TNN: variants seen among roughly 807,000 people sequenced by gnomAD.
TNN encodes the protein tenascin-N.
Under a neutral mutation model 134.4 loss-of-function variants are expected in TNN, and 122 were observed. The ratio of observed to expected loss-of-function variants is 0.91; its 90% CI spans 0.78 to 1.06. TNN has a LOEUF of 1.06. TNN is among the 50% of genes least tolerant of loss of function. The probability of loss-of-function intolerance (pLI) is 0.00; values close to 1 mark genes in which losing one functional copy is unlikely to be tolerated. For missense variants in TNN, 1,739 were observed against 1,699.4 expected, an observed-to-expected ratio of 1.02 and a Z score of -0.41; for synonymous variants, 710 against 670.3, an observed-to-expected ratio of 1.06 and a Z score of -0.91.
intron 9 of TNN, among the ~76,000 whole-genome samples, chr1:175,107,389 T>A (rs1319480667): frequency 4.2e-5 from 6 of 144,046 alleles, no homozygotes; most frequent in Non-Finnish European, 9.2e-5. Flanking sequence ...TCTGGTGGGT[T>A]CGTGGTCTCG....
intron 9 of TNN, among the ~76,000 whole-genome samples, chr1:175,115,300 C>A (rs1675135104): frequency 6.6e-6 from 1 of 151,702 alleles, no homozygotes; most frequent in Admixed American, 6.6e-5. Flanking sequence ...TAGGGCTCTG[C>A]CAAAAGCATT....
rs1252274134 is a variant in TNN, at chr1:175,118,613, C to A, written c.2439C>A (p.Ala813=). 5 of 1,614,092 alleles carry A rather than the reference C, an allele frequency of 3.1e-6. No individual in the cohort carries two copies. Among genetic ancestry groups the A allele is most frequent in the Non-Finnish European group, 3.4e-6 (4 of 1,180,036 alleles). The part of the protein sequence containing the change: ...LVTDWVTENT[A]TVSWDPVQAT... Reference sequence around the variant, plus strand: ...CTGACTGGGTGACAGAGAATACAGCCACTGTCTCCTGGGACCCGGTGCAGG... The same window carrying A: ...CTGACTGGGTGACAGAGAATACAGCAACTGTCTCCTGGGACCCGGTGCAGG... The change falls in exon 11 of 19, where the codon GCC becomes GCA. Residue 813 remains alanine, a synonymous_variant. Transcript: ENST00000239462.
intron 9 of TNN, among the ~76,000 whole-genome samples, chr1:175,114,890 G>T (rs761502787): frequency 6.6e-6 from 1 of 152,030 alleles, no homozygotes; most frequent in Non-Finnish European, 1.5e-5. Flanking sequence ...ACAATGGTGG[G>T]ACTTGGCAGT....
At position 175,128,056 on chromosome 1, in the gene TNN, C is replaced by T; in HGVS notation, c.3070C>T (p.Gln1024Ter). Residue 1024 changes from glutamine (Q) to a stop codon, truncating the protein, a stop_gained, in exon 14 of 19, where the codon CAG becomes TAG. Transcript: ENST00000239462. LOFTEE classifies it high-confidence loss of function. Reference protein sequence around the residue: ...VKEMQLGREDQRFALQGLEQG... With the variant: ...VKEMQLGRED ...GGAGATGCAGCTGGGACGGGAAGAC[C>T]AGAGGTTTGCGTTGCAAGGCCTTGA... is the stretch of plus-strand genomic sequence containing the variant. The T allele has an allele frequency of 6.2e-7, 1 of 1,614,160 alleles. No individual in the cohort carries two copies. The highest frequency in any genetic ancestry group is 1.1e-5 in the South Asian group (1 of 91,080).
At position 175,104,869 on chromosome 1, in the gene TNN, TC is replaced by T. The variant is rs952014544; in HGVS notation, c.2119+6277del. Among the ~76,000 whole-genome samples, 33 of 145,928 alleles carry T rather than the reference TC, an allele frequency of 2.3e-4. 3 individuals carry two copies. The highest frequency in any genetic ancestry group is 6.9e-4 in the African/African-American group (28 of 40,526). ...GGAAGGCAGAAGGATTTTCTTCCTT[TC>T]CCTGGGTTATGGTGGATATCATTGA... is the stretch of plus-strand genomic sequence containing the variant. On this transcript the variant is annotated intron_variant, in intron 9 of 18. Transcript: ENST00000239462.
intron 16 of TNN, 69 bp downstream of exon 16, chr1:175,136,010 G>C (rs1332238645): frequency 1.3e-5 from 16 of 1,197,598 alleles, no homozygotes; most frequent in Admixed American, 3.4e-5. Context: ...CTAGCTAGGA[G>C]GCTTAGGGAA....
intron 9 of TNN, among the ~76,000 whole-genome samples, chr1:175,106,131 C>T (rs1000286842): frequency 6.9e-6 from 1 of 145,496 alleles, no homozygotes; most frequent in Non-Finnish European, 1.5e-5. Context: ...TGAGAAAAAT[C>T]AGATTTAGTG....
chr1:175,093,421 A>G (rs2105948), intron 6 of TNN, among the ~76,000 whole-genome samples: 42,996 of 152,182 alleles, frequency 0.28, 6,193 homozygotes, highest in South Asian at 0.33. Flanking sequence ...TTGCTCATTG[A>G]TAACTCTTAA....
chr1:175,096,943 T>C (rs921608132), intron 7 of TNN, among the ~76,000 whole-genome samples: 3 of 152,204 alleles, frequency 2.0e-5, no homozygotes, highest in African/African-American at 7.2e-5. Flanking sequence ...AAAAGTCTCC[T>C]GGTTCCCTGG....
chr1:175,119,468 A>G (rs1343719000), intron 11 of TNN, among the ~76,000 whole-genome samples: 1 of 151,944 alleles, frequency 6.6e-6, no homozygotes. Flanking sequence ...CTGACCTCCT[A>G]TCTTATCCTG....
chr1:175,125,701 CTCTCTTTCTTTCTTTCTTTCTTTCTT>C lies in TNN; in HGVS notation c.2915-1250_2915-1225del, dbSNP rs1196069291. Reference sequence around the variant, plus strand: ...TCCCTCCTTTCTTTCTCTCTTTTTTCTCTCTTTCTTTCTTTCTTTCTTTCTTTCTTTCTTTCTTTCTTTCTTTCTTT... The same window carrying C: ...TCCCTCCTTTCTTTCTCTCTTTTTTCTCTTTCTTTCTTTCTTTCTTTCTTT... On this transcript the variant is annotated intron_variant, in intron 12 of 18. Coordinates refer to ENST00000239462, the MANE Select transcript of TNN (RefSeq NM_022093.2). Among the ~76,000 whole-genome samples the C allele has an allele frequency of 1.2e-3, 123 of 102,282 alleles. 1 individual carries two copies. Among genetic ancestry groups the C allele is most frequent in the African/African-American group, 2.2e-3 (61 of 27,316 alleles). The allele number at this position is 102,282 out of a possible 152,430, so 67.1% of individuals were successfully genotyped here. A position where few individuals can be genotyped will look rare whatever the true frequency, so the allele number is the denominator to read the frequency against.
intron 17 of TNN, among the ~76,000 whole-genome samples, chr1:175,142,218 G>A (rs758895217): frequency 7.2e-5 from 11 of 152,318 alleles, no homozygotes; most frequent in Admixed American, 2.6e-4. Context: ...CTGTGTTTGC[G>A]TGGAAGTGGC....
rs768342181 is a variant in TNN, at chr1:175,117,032, A to G, written c.2213A>G (p.Tyr738Cys). 2.5e-6 allele frequency: 4 copies of G among 1,614,094 alleles called. No homozygotes were observed. The highest frequency in any genetic ancestry group is 2.7e-5 in the African/African-American group (2 of 74,928). The change falls in exon 10 of 19, where the codon TAT becomes TGT. Residue 738 changes from tyrosine to cysteine, a missense_variant. Transcript: ENST00000239462. ...WDPVRATIDR[Y>C]VVRYTSAKDG... ...CCGGTGCGGGCCACCATTGACAGGT[A>G]TGTGGTGCGCTACACCTCTGCCAAG... is the stretch of plus-strand genomic sequence containing the variant.
chr1:175,097,712 T>A, intron 8 of TNN, 29 bp downstream of exon 8: 1 of 1,613,326 alleles, frequency 6.2e-7, no homozygotes, highest in Non-Finnish European at 8.5e-7. Flanking sequence ...TCAATTGGAA[T>A]TGAGTTTTAG....
intron 5 of TNN, 110 bp from the exon 6 acceptor site, chr1:175,085,295 G>C: frequency 1.4e-6 from 1 of 702,746 alleles, no homozygotes; most frequent in Non-Finnish European, 2.6e-6. Context: ...TTTGGAGGAG[G>C]AAGCATCACC....
chr1:175,135,686 A>T (rs993231160), intron 15 of TNN, among the ~76,000 whole-genome samples, 159 bp from the exon 16 acceptor site: 3 of 152,240 alleles, frequency 2.0e-5, no homozygotes, highest in Non-Finnish European at 4.4e-5. Flanking sequence ...GCTTATTAAT[A>T]TAGTGAATCT....
At chr1:175,100,731 A>G (rs1346636845) in intron 9 of TNN, among the ~76,000 whole-genome samples, 2 of 152,056 alleles carry the variant, frequency 1.3e-5, no homozygotes, top group Admixed American at 6.5e-5. Flanking sequence ...ATTTTTAAGT[A>G]TCTTCTATGT....
Position 175,127,076 on chromosome 1 carries a change from C to A in TNN, c.3036C>A (p.Gly1012=), listed in dbSNP as rs780231891. The part of the protein sequence containing the change: ...GYILTYQFPD[G]TVKEMQLGRE... ...TTCTGACTTACCAGTTCCCAGATGG[C>A]ACAGTTAAGGTACGGGGATTCCTTG... Residue 1012 remains glycine, a synonymous_variant, in exon 13 of 19, where the codon GGC becomes GGA. Transcript: ENST00000239462. 11 of 1,613,762 alleles carry A rather than the reference C, an allele frequency of 6.8e-6. No individual in the cohort carries two copies. The South Asian group carries it at 1.2e-4, about 18-fold the overall frequency.
At chr1:175,074,831 C>T (rs16847787) in intron 1 of TNN, among the ~76,000 whole-genome samples, 7,283 of 152,270 alleles carry the variant, frequency 0.048, 596 homozygotes, top group African/African-American at 0.17. Flanking sequence ...TATCTAACTG[C>T]GCTCATTTGT....
Sources: allele counts gnomAD v4.1 joint callset (sites outside exome capture counted in the v4.1 genomes callset), GRCh38; gene constraint gnomAD v4.1.1; transcripts MANE v1.5; gene names NCBI Gene and HGNC (gene_info 2026-07-23, HGNC 2026-07-21).